The following LPP variants were observed in gnomAD, a reference collection of about 807,000 sequenced individuals.
LPP encodes the protein lipoma-preferred partner.
A neutral mutation model predicts 60.4 loss-of-function variants in LPP; 38 were observed. The observed-to-expected ratio is 0.63, with a 90% CI of 0.49 to 0.83. LPP has a LOEUF of 0.83. Among genes scored for constraint, LPP ranks in the 40% least tolerant of loss-of-function variants. The pLI is 0.00. For synonymous variants in LPP, 328 were observed against 290.8 expected, an observed-to-expected ratio of 1.13 and a Z score of -1.30; for missense variants, 902 against 783.6, an observed-to-expected ratio of 1.15 and a Z score of -1.80.
chr3:188,492,430 C>T (rs1808652330), intron 5 of LPP, among the ~76,000 whole-genome samples: 1 of 152,064 alleles, frequency 6.6e-6, no homozygotes, highest in Non-Finnish European at 1.5e-5. Flanking sequence ...TGTGGTGGCT[C>T]ACACCTGTAA....
chr3:188,211,213 G>A lies in LPP; in HGVS notation c.-189-14192G>A, dbSNP rs79726999. 5.3e-5 allele frequency among the ~76,000 whole-genome samples: 8 copies of A among 152,248 alleles called. No individual in the cohort carries two copies. In the East Asian group the frequency reaches 9.7e-4, roughly 18 times the overall value. On this transcript the variant is annotated intron_variant, in intron 1 of 11. Coordinates refer to ENST00000617246, the MANE Select transcript of LPP (RefSeq NM_001375462.1). ...TAAGCTACACAAGGAGCACTGACTC[G>A]TCTAAAATCTTAACGACTGACTGAT...
intron 9 of LPP, among the ~76,000 whole-genome samples, chr3:188,762,025 CCTGT>C (rs1732532762): frequency 6.6e-6 from 1 of 151,608 alleles, no homozygotes; most frequent in African/African-American, 2.4e-5. Context: ...TTTTATAGCT[CCTGT>C]CTATTTTTTA....
At chr3:188,332,122 T>C (rs1235416631) in intron 2 of LPP, among the ~76,000 whole-genome samples, 2 of 152,196 alleles carry the variant, frequency 1.3e-5, no homozygotes, top group South Asian at 2.1e-4. Flanking sequence ...TATACTCTTA[T>C]AAAAGTTACC....
intron 9 of LPP, among the ~76,000 whole-genome samples, chr3:188,824,188 C>T (rs1041435975): frequency 2.0e-5 from 3 of 152,128 alleles, no homozygotes; most frequent in Non-Finnish European, 1.5e-5. Context: ...CTGAAAAGTA[C>T]GTTCACTCAT....
intron 9 of LPP, among the ~76,000 whole-genome samples, chr3:188,763,382 C>T (rs1406771481): frequency 2.0e-5 from 3 of 151,798 alleles, no homozygotes; most frequent in African/African-American, 7.3e-5. Flanking sequence ...AAATTTACTT[C>T]TGCCTAAATT....
chr3:188,605,768 T>C (rs1842270095), intron 6 of LPP, among the ~76,000 whole-genome samples: 1 of 152,182 alleles, frequency 6.6e-6, no homozygotes, highest in Admixed American at 6.6e-5. Context: ...TTTCGTAAGA[T>C]AATATTCCAT....
chr3:188,886,647 A>G lies in LPP; in HGVS notation c.*12168A>G, dbSNP rs1770696919. 1 of 217,942 alleles carries G rather than the reference A, an allele frequency of 4.6e-6. No individual in the cohort carries two copies. The highest frequency in any genetic ancestry group is 9.1e-6 in the Non-Finnish European group (1 of 109,388). The allele number at this position is 217,942 out of a possible 1,614,324, so 13.5% of individuals were successfully genotyped here. The stretch of plus-strand genomic sequence containing the variant: ...ACATAATATAAAGAAAAAACTAATA[A>G]AAATTTTCGTATTTCACTTTACATA... On this transcript the variant is annotated 3_prime_UTR_variant, in exon 12 of 12. Coordinates refer to ENST00000617246, the MANE Select transcript of LPP (RefSeq NM_001375462.1).
chr3:188,276,889 CTTTTCTTTTTTTTTTT>C (rs1304589782), intron 2 of LPP, among the ~76,000 whole-genome samples: 13 of 60,162 alleles, frequency 2.2e-4, no homozygotes, highest in African/African-American at 3.5e-4. Flanking sequence ...CACTTCTTTT[CTTTTCTTTTTTTTTTT>C]TTTTTTTTTT....
chr3:188,181,459 C>T (rs143936730), intron 1 of LPP, among the ~76,000 whole-genome samples: 1 of 152,158 alleles, frequency 6.6e-6, no homozygotes, highest in Non-Finnish European at 1.5e-5. Context: ...TATCTTTCTA[C>T]CCTACAGGTT....
At chr3:188,443,341 T>C (rs1438323075) in intron 4 of LPP, among the ~76,000 whole-genome samples, 1 of 152,204 alleles carries the variant, frequency 6.6e-6, no homozygotes, top group African/African-American at 2.4e-5. Flanking sequence ...GATGCCATAT[T>C]CTAGAGTGAA....
At chr3:188,739,112 AAAG>A (rs754958783) in intron 8 of LPP, among the ~76,000 whole-genome samples, 1 of 152,130 alleles carries the variant, frequency 6.6e-6, no homozygotes, top group Non-Finnish European at 1.5e-5. Flanking sequence ...GATTGCTTGA[AAAG>A]AATTAATTTC....
intron 9 of LPP, among the ~76,000 whole-genome samples, chr3:188,836,557 C>T (rs1268575322): frequency 1.3e-5 from 2 of 152,192 alleles, no homozygotes; most frequent in African/African-American, 2.4e-5. Flanking sequence ...GCTCTGCACA[C>T]GATGGAGGCT....
At chr3:188,166,773 C>A (rs1720087619) in intron 1 of LPP, among the ~76,000 whole-genome samples, 1 of 152,040 alleles carries the variant, frequency 6.6e-6, no homozygotes, top group South Asian at 2.1e-4. Context: ...GCTGCAAATC[C>A]TGGGATGTTA....
intron 4 of LPP, among the ~76,000 whole-genome samples, chr3:188,415,776 G>T (rs1438505335): frequency 1.4e-3 from 4 of 2,824 alleles, no homozygotes; most frequent in African/African-American, 3.3e-3. Context: ...TGGGTGGGTC[G>T]GGGGGGGGCA....
chr3:188,495,179 TATATAATATATATATTTATA>T (rs1430251365), intron 5 of LPP, among the ~76,000 whole-genome samples: 1 of 7,398 alleles, frequency 1.4e-4, no homozygotes, highest in Non-Finnish European at 7.6e-4. Flanking sequence ...TATTTATAAA[TATATAATATATATATTTATA>T]AATATATATA....
chr3:188,761,440 A>T (rs1732316398), intron 9 of LPP, among the ~76,000 whole-genome samples: 1 of 152,210 alleles, frequency 6.6e-6, no homozygotes, highest in Admixed American at 6.5e-5. Context: ...TTCCAAAGGT[A>T]ACTTAATACA....
intron 9 of LPP, among the ~76,000 whole-genome samples, chr3:188,801,313 T>G (rs1199891267): frequency 6.6e-6 from 1 of 152,210 alleles, no homozygotes; most frequent in African/African-American, 2.4e-5. Context: ...TATGTTGATA[T>G]ACATGCAATA....
chr3:188,271,354 T>G (rs1737659500), intron 2 of LPP, among the ~76,000 whole-genome samples: 1 of 152,216 alleles, frequency 6.6e-6, no homozygotes, highest in Non-Finnish European at 1.5e-5. Context: ...TTTAATGACC[T>G]TGATAGTTGT....
At chr3:188,539,570 T>C (rs1408812336) in intron 6 of LPP, among the ~76,000 whole-genome samples, 1 of 152,218 alleles carries the variant, frequency 6.6e-6, no homozygotes, top group African/African-American at 2.4e-5. Flanking sequence ...GAGCAAGTTT[T>C]CCTTCATTGG....
Sources: gnomAD v4.1 joint callset for allele counts (sites outside exome capture counted in the v4.1 genomes callset) on GRCh38, gnomAD v4.1.1 for gene constraint, MANE v1.5 for transcripts, NCBI Gene and HGNC (gene_info 2026-07-23, HGNC 2026-07-21) for gene names.